RAF1: variants seen among roughly 807,000 people sequenced by gnomAD.
The protein encoded by RAF1 is Raf-1 proto-oncogene, serine/threonine kinase.
Under a neutral mutation model 81.1 loss-of-function variants are expected in RAF1, and 27 were observed. That is an observed-to-expected ratio of 0.33 (90% CI 0.25 to 0.46). The LOEUF (loss-of-function observed/expected upper bound fraction) is 0.46. Among genes scored for constraint, RAF1 ranks in the 20% least tolerant of loss-of-function variants. RAF1 has a pLI of 1.00. For missense variants in RAF1, 598 were observed against 826.0 expected, an observed-to-expected ratio of 0.72 and a Z score of 3.38; for synonymous variants, 298 against 294.0, an observed-to-expected ratio of 1.01 and a Z score of -0.14.
rs907651835 is a variant in RAF1 at position 12,628,761 on chromosome 3, G to GC, written c.-26-10015_-26-10014insG. Among the ~76,000 whole-genome samples, 12 of 137,636 alleles carry GC rather than the reference G, an allele frequency of 8.7e-5. No individual in the cohort carries two copies. In the East Asian group the frequency reaches 9.7e-4, roughly 11 times the overall value. The allele number at this position is 137,636 out of a possible 152,430, so 90.3% of individuals were successfully genotyped here. On this transcript the variant is annotated intron_variant, in intron 1 of 17. Coordinates refer to ENST00000442415, the MANE Select transcript of RAF1 (RefSeq NM_001354689.3). ...ACCTGAGACTATTTTTGGGGGGGGG[G>GC]GGTGGCGGGGCACATGGTCTCACTC...
chr3:12,663,726 C>T, intron 1 of RAF1, 87 bp downstream of exon 1: 1 of 394,366 alleles, frequency 2.5e-6, no homozygotes, highest in Non-Finnish European at 4.5e-6. Context: ...TCCATCAGCG[C>T]CACCCAGGCC....
At chr3:12,598,315 G>T (rs2058745871) in intron 11 of RAF1, among the ~76,000 whole-genome samples, 1 of 152,090 alleles carries the variant, frequency 6.6e-6, no homozygotes, top group Non-Finnish European at 1.5e-5. Context: ...CCAGCCAGAT[G>T]CAATTTTCAA....
At chr3:12,604,049 T>C in intron 7 of RAF1, 87 bp downstream of exon 7, 1 of 1,469,766 alleles carries the variant, frequency 6.8e-7, no homozygotes, top group Non-Finnish European at 9.5e-7. Flanking sequence ...CATTCCTTGA[T>C]CAGATTTGAA....
At chr3:12,646,376 T>C (rs776528849) in intron 1 of RAF1, among the ~76,000 whole-genome samples, 1 of 95,016 alleles carries the variant, frequency 1.1e-5, no homozygotes, top group Non-Finnish European at 2.2e-5. Context: ...TACCGGTTTC[T>C]TTTAAGTCTT....
At chr3:12,603,391 C>A in intron 8 of RAF1, 1 of 568,940 alleles carries the variant, frequency 1.8e-6, no homozygotes, top group South Asian at 2.2e-5. Context: ...AACTTAGCAA[C>A]TATTTCATTT....
At chr3:12,587,940 C>A in intron 13 of RAF1, 1 of 219,572 alleles carries the variant, frequency 4.6e-6, no homozygotes, top group Non-Finnish European at 8.7e-6. Flanking sequence ...GCCGGGACCA[C>A]AGGCATGTGC....
intron 1 of RAF1, among the ~76,000 whole-genome samples, chr3:12,650,731 T>C (rs1340997993): frequency 3.3e-5 from 5 of 152,138 alleles, no homozygotes; most frequent in Non-Finnish European, 5.9e-5. Context: ...ACCACCACCG[T>C]TTAACAAAAA....
At chr3:12,618,404 AAGACCCTAAATG>A in intron 2 of RAF1, 99 bp downstream of exon 2, 2 of 1,152,502 alleles carry the variant, frequency 1.7e-6, no homozygotes, top group Non-Finnish European at 2.5e-6. Context: ...AAAAAAAATA[AAGACCCTAAATG>A]ACAATGAATA....
At chr3:12,598,755 C>CAAAAAAAAAAAA (rs1559418330) in intron 11 of RAF1, among the ~76,000 whole-genome samples, 5 of 98,928 alleles carry the variant, frequency 5.1e-5, no homozygotes, top group Non-Finnish European at 1.2e-4. Flanking sequence ...AAAAAAAAAC[C>CAAAAAAAAAAAA]ACCAAGTACT....
chr3:12,640,347 C>T (rs2060146966), intron 1 of RAF1, among the ~76,000 whole-genome samples: 1 of 152,178 alleles, frequency 6.6e-6, no homozygotes, highest in Non-Finnish European at 1.5e-5. Flanking sequence ...GCAAGGGCAA[C>T]AAAAGCCCAA....
At chr3:12,595,981 T>A (rs1162308486) in intron 11 of RAF1, among the ~76,000 whole-genome samples, 1 of 151,000 alleles carries the variant, frequency 6.6e-6, no homozygotes, top group African/African-American at 2.4e-5. Flanking sequence ...GCTCAAGTGA[T>A]CCTCCTGCCT....
intron 3 of RAF1, among the ~76,000 whole-genome samples, chr3:12,611,562 C>T (rs1442700093): frequency 2.0e-5 from 3 of 151,964 alleles, no homozygotes; most frequent in South Asian, 2.1e-4. Flanking sequence ...TAGCCGGGCG[C>T]GGTGGTGGGC....
chr3:12,639,309 CA>C (rs2060117724), intron 1 of RAF1, among the ~76,000 whole-genome samples: 2 of 152,138 alleles, frequency 1.3e-5, no homozygotes, highest in Non-Finnish European at 2.9e-5. Context: ...TGAAAACTGG[CA>C]CCAGATAGGG....
In RAF1 at chr3:12,608,838, T is replaced by G; in HGVS notation, c.509A>C (p.Tyr170Ser). Residue 170 changes from tyrosine to serine, a missense_variant, in exon 5 of 18, where the codon TAC (tyrosine) becomes TCC (serine). Tyr to Ser is a moderately radical substitution (Grantham distance 144, BLOSUM62 -2). Coordinates refer to ENST00000442415, the MANE Select transcript of RAF1 (RefSeq NM_001354689.3). The stretch of plus-strand genomic sequence containing the variant: ...GGTGCTACAGTGCTCATGAAATTTG[T>G]AGCCACAAGTCTGACATCGAAATCC... 1 of 1,614,204 alleles carries G rather than the reference T, an allele frequency of 6.2e-7. No individual in the cohort carries two copies.
At chr3:12,639,087 T>C (rs913286536) in intron 1 of RAF1, among the ~76,000 whole-genome samples, 3 of 151,520 alleles carry the variant, frequency 2.0e-5, no homozygotes, top group African/African-American at 7.3e-5. Flanking sequence ...TCAACATACA[T>C]AATCCATCAT....
intron 1 of RAF1, among the ~76,000 whole-genome samples, chr3:12,624,897 A>AAAAC (rs2059657611): frequency 5.0e-5 from 7 of 139,032 alleles, no homozygotes; most frequent in Non-Finnish European, 7.6e-5. Context: ...AAAAAAAAAA[A>AAAAC]AAAAACAAAA....
chr3:12,662,619 C>G (rs2060915282), intron 1 of RAF1, among the ~76,000 whole-genome samples: 1 of 151,932 alleles, frequency 6.6e-6, no homozygotes, highest in African/African-American at 2.4e-5. Context: ...TTCCTGCACC[C>G]CAGGCAATTT....
In RAF1 at chr3:12,664,019, T is replaced by A; in HGVS notation, c.-233A>T. ...CCCCAAAGCCCGGCCAGCTGACCCT[T>A]TTCGGGGCCCAAAAAAGGCAGCAGA... is the stretch of plus-strand genomic sequence containing the variant. On this transcript the variant is annotated 5_prime_UTR_variant, in exon 1 of 18. Coordinates refer to ENST00000442415, the MANE Select transcript of RAF1 (RefSeq NM_001354689.3). The A allele has an allele frequency of 2.5e-6, 1 of 398,440 alleles. No individual in the cohort carries two copies. The highest frequency in any genetic ancestry group is 4.4e-6 in the Non-Finnish European group (1 of 225,950). The allele number at this position is 398,440 out of a possible 1,614,324, so 24.7% of individuals were successfully genotyped here. A position where few individuals can be genotyped will look rare whatever the true frequency, so the allele number is the denominator to read the frequency against.
At chr3:12,633,612 G>C (rs1024312309) in intron 1 of RAF1, among the ~76,000 whole-genome samples, 1 of 144,828 alleles carries the variant, frequency 6.9e-6, no homozygotes, top group African/African-American at 2.6e-5. Context: ...TGGAGGACCA[G>C]ATTCTATAAA....
Sources: gnomAD v4.1 joint callset for allele counts (sites outside exome capture counted in the v4.1 genomes callset) on GRCh38, gnomAD v4.1.1 for gene constraint, MANE v1.5 for transcripts, NCBI Gene and HGNC (gene_info 2026-07-23, HGNC 2026-07-21) for gene names.